SERINC3: variants seen among roughly 807,000 people sequenced by gnomAD.
The protein encoded by SERINC3 is tumor differentially expressed protein 1.
A neutral mutation model predicts 52.1 loss-of-function variants in SERINC3; 22 were observed. The ratio of observed to expected loss-of-function variants is 0.42; its 90% CI spans 0.30 to 0.60. The LOEUF (loss-of-function observed/expected upper bound fraction) is 0.60. Ranked by LOEUF, SERINC3 falls within the 20% of genes least tolerant of loss-of-function variation. The pLI is 0.16. For synonymous variants in SERINC3, 226 were observed against 212.7 expected, an observed-to-expected ratio of 1.06 and a Z score of -0.54; for missense variants, 564 against 584.6, an observed-to-expected ratio of 0.96 and a Z score of 0.36.
intron 1 of SERINC3, 96 bp from the exon 2 acceptor site, chr20:44,514,136 T>C: frequency 7.6e-7 from 1 of 1,321,904 alleles, no homozygotes; most frequent in Non-Finnish European, 1.0e-6. Context: ...AATCAGGCTT[T>C]ATAGTTTTAA....
intron 1 of SERINC3, among the ~76,000 whole-genome samples, chr20:44,514,817 A>C (rs1180930778): frequency 2.0e-5 from 3 of 152,172 alleles, no homozygotes; most frequent in Non-Finnish European, 4.4e-5. Context: ...CCCTCTGACA[A>C]ATAATAACAG....
At chr20:44,518,380 A>C (rs2064394227) in intron 1 of SERINC3, among the ~76,000 whole-genome samples, 1 of 151,616 alleles carries the variant, frequency 6.6e-6, no homozygotes, top group Non-Finnish European at 1.5e-5. Flanking sequence ...TAAGCTTTTA[A>C]GCTGAAGCAT....
At chr20:44,518,389 A>G (rs73615471) in intron 1 of SERINC3, among the ~76,000 whole-genome samples, 1,782 of 151,586 alleles carry the variant, frequency 0.012, 15 homozygotes, top group East Asian at 0.062. Context: ...AAGCTGAAGC[A>G]TCTGAGCTTC....
chr20:44,509,750 G>C, intron 5 of SERINC3, 141 bp downstream of exon 5: 1 of 932,084 alleles, frequency 1.1e-6, no homozygotes, highest in East Asian at 2.4e-5. Context: ...GACTGGTCTT[G>C]AACTCCTGGA....
At chr20:44,504,591 C>T (rs1036784421) in intron 7 of SERINC3, among the ~76,000 whole-genome samples, 1 of 152,194 alleles carries the variant, frequency 6.6e-6, no homozygotes, top group African/African-American at 2.4e-5. Context: ...GACTCTGACC[C>T]TTTAGACTGT....
intron 1 of SERINC3, among the ~76,000 whole-genome samples, chr20:44,515,604 T>C (rs1262493964): frequency 2.0e-5 from 3 of 151,974 alleles, no homozygotes; most frequent in Non-Finnish European, 4.4e-5. Context: ...ACTAGACAGA[T>C]GTGATGGCAG....
intron 5 of SERINC3, among the ~76,000 whole-genome samples, chr20:44,508,432 G>A (rs2064328170): frequency 2.0e-5 from 3 of 152,094 alleles, no homozygotes; most frequent in Admixed American, 6.6e-5. Flanking sequence ...GGAAGGCAGA[G>A]GTTGCAGTGA....
chr20:44,521,779 C>T (rs189712083), intron 1 of SERINC3, 134 bp downstream of exon 1: 3 of 869,298 alleles, frequency 3.5e-6, no homozygotes, highest in African/African-American at 3.4e-5. Flanking sequence ...GCGTCTGGGG[C>T]CCCGGAGACC....
chr20:44,512,998 G>C lies in SERINC3; in HGVS notation c.202-4C>G. The C allele has an allele frequency of 6.7e-7, 1 of 1,487,120 alleles. No homozygotes were observed. Among genetic ancestry groups the C allele is most frequent in the Non-Finnish European group, 8.9e-7 (1 of 1,124,654 alleles). 92.1% of individuals were successfully genotyped at this position (1,487,120 alleles called of 1,614,324 possible). On this transcript the variant is annotated splice_polypyrimidine_tract_variant and splice_region_variant and intron_variant, in intron 2 of 9. Transcript: ENST00000342374. ...CCCCTTCACAAAATCCAGGAATCTG[G>C]AAAAAAGCAATTTCAATGTTACGAG...
chr20:44,500,240 G>C lies in SERINC3; in HGVS notation c.*56C>G. The stretch of plus-strand genomic sequence containing the variant: ...TGAAACAAACTTAAAAGGTATATGG[G>C]TTTTCGGTGAAGGAGACCTTTGTGA... On this transcript the variant is annotated 3_prime_UTR_variant, in exon 10 of 10. Coordinates refer to ENST00000342374, the MANE Select transcript of SERINC3 (RefSeq NM_006811.4). The C allele has an allele frequency of 1.3e-6, 2 of 1,565,932 alleles. No homozygotes were observed. Among genetic ancestry groups the C allele is most frequent in the Non-Finnish European group, 8.7e-7 (1 of 1,151,870 alleles).
At chr20:44,511,166 G>C (rs1169635503) in intron 4 of SERINC3, 123 bp downstream of exon 4, 2 of 649,660 alleles carry the variant, frequency 3.1e-6, no homozygotes, top group Non-Finnish European at 5.4e-6. Context: ...CGCCCGTCTT[G>C]GCCTCCCAAA....
In SERINC3 at chr20:44,500,358, G is replaced by A; in HGVS notation, c.1360C>T (p.Leu454Phe). 1.9e-6 allele frequency: 3 copies of A among 1,607,568 alleles called. No individual in the cohort carries two copies. The highest frequency in any genetic ancestry group is 2.5e-6 in the Non-Finnish European group (3 of 1,177,074). Residue 454 changes from leucine to phenylalanine, a missense_variant, in exon 10 of 10, where the codon CTC becomes TTC. Coordinates refer to ENST00000342374, the MANE Select transcript of SERINC3 (RefSeq NM_006811.4). Reference sequence around the variant, plus strand: ...ACAAGGGTCCAGACGTAAAGCAGGAGGCAGACCCAGCTGGAGCTGATCTTG... The same window carrying A: ...ACAAGGGTCCAGACGTAAAGCAGGAAGCAGACCCAGCTGGAGCTGATCTTG... ...WVKISSSWVC[L>F]LLYVWTLVAP...
In SERINC3 at chr20:44,513,522, TG is replaced by T. The variant is rs2064361233; in HGVS notation, c.201+356del. Reference sequence around the variant, plus strand: ...GTCTCTCTTCTTTGCCCTTTTAGGATGAAGAGGCTGTGTGCCACTTTCCTGT... The same window carrying T: ...GTCTCTCTTCTTTGCCCTTTTAGGATAAGAGGCTGTGTGCCACTTTCCTGT... On this transcript the variant is annotated intron_variant, in intron 2 of 9. Transcript: ENST00000342374. Among the ~76,000 whole-genome samples the T allele has an allele frequency of 3.3e-5, 5 of 152,308 alleles. No homozygotes were observed. The South Asian group carries it at 1.0e-3, about 32-fold the overall frequency.
At chr20:44,510,594 A>C (rs564498035) in intron 4 of SERINC3, among the ~76,000 whole-genome samples, 179 of 152,224 alleles carry the variant, frequency 1.2e-3, no homozygotes, top group African/African-American at 4.2e-3. Flanking sequence ...CAGGTGGATC[A>C]TGAGGTCAAG....
intron 3 of SERINC3, among the ~76,000 whole-genome samples, chr20:44,511,907 T>G (rs1032284350): frequency 6.6e-6 from 1 of 152,230 alleles, no homozygotes; most frequent in African/African-American, 2.4e-5. Flanking sequence ...AACCTCCAAC[T>G]GGTTAACAGG....
At position 44,505,031 on chromosome 20, in the gene SERINC3, G is replaced by A; in HGVS notation, c.784-140C>T. 6.8e-6 allele frequency: 4 copies of A among 588,296 alleles called. No individual in the cohort carries two copies. The South Asian group carries it at 9.8e-5, about 14-fold the overall frequency. The allele number at this position is 588,296 out of a possible 1,614,324, so 36.4% of individuals were successfully genotyped here. A position where few individuals can be genotyped will look rare whatever the true frequency, so the allele number is the denominator to read the frequency against. On this transcript the variant is annotated intron_variant, in intron 6 of 9. Coordinates refer to ENST00000342374, the MANE Select transcript of SERINC3 (RefSeq NM_006811.4). ...CTTCTTGAGAGTTGAAAGGTGACAA[G>A]TAACCTTCTGTTCAGTTAGCTCGCA...
chr20:44,500,325 G>A lies in SERINC3; in HGVS notation c.1393C>T (p.Leu465Phe), dbSNP rs2064271424. The part of the protein sequence containing the change: ...LLYVWTLVAP[L>F]VLTSRDFS ...CTGAAGTCCCGACTGGTGAGGACAAGTGGAGCCACAAGGGTCCAGACGTAA... is the reference window on the plus strand; with the variant it reads ...CTGAAGTCCCGACTGGTGAGGACAAATGGAGCCACAAGGGTCCAGACGTAA... The change falls in exon 10 of 10, where the codon CTT becomes TTT. Residue 465 changes from leucine to phenylalanine, a missense_variant. Coordinates refer to ENST00000342374, the MANE Select transcript of SERINC3 (RefSeq NM_006811.4). 6.2e-7 allele frequency: 1 copy of A among 1,611,366 alleles called. No homozygotes were observed. Among genetic ancestry groups the A allele is most frequent in the East Asian group, 2.2e-5 (1 of 44,862 alleles).
intron 8 of SERINC3, among the ~76,000 whole-genome samples, chr20:44,503,067 A>G (rs1400855514): frequency 1.3e-5 from 2 of 152,246 alleles, no homozygotes; most frequent in African/African-American, 2.4e-5. Flanking sequence ...CTAACTATAA[A>G]CCACTGAAAG....
intron 9 of SERINC3, 21 bp from the exon 10 acceptor site, chr20:44,500,455 C>G: frequency 5.8e-6 from 9 of 1,553,662 alleles, no homozygotes; most frequent in Non-Finnish European, 7.8e-6. Flanking sequence ...AAGAGAGAGT[C>G]AGGTAGAAAA....
Sources: allele counts gnomAD v4.1 joint callset (sites outside exome capture counted in the v4.1 genomes callset), GRCh38; gene constraint gnomAD v4.1.1; transcripts MANE v1.5; gene names NCBI Gene and HGNC (gene_info 2026-07-23, HGNC 2026-07-21).